EGFR: variants seen among roughly 807,000 people sequenced by gnomAD.
EGFR encodes the protein epidermal growth factor receptor.
Under a neutral mutation model 143.0 loss-of-function variants are expected in EGFR, and 58 were observed. That is an observed-to-expected ratio of 0.41 (90% confidence interval 0.33 to 0.50). EGFR has a LOEUF of 0.50. Among genes scored for constraint, EGFR ranks in the 20% least tolerant of loss-of-function variants. EGFR has a pLI of 0.39. For synonymous variants in EGFR, 613 were observed against 594.4 expected (o/e 1.03, Z -0.45); for missense variants, 1,307 against 1,579.0 (o/e 0.83, Z 2.92).
At chr7:55,205,115 C>A in intron 27 of EGFR, 141 bp from the exon 28 acceptor site, 1 of 1,282,914 alleles carries the variant, frequency 7.8e-7, no homozygotes, top group Non-Finnish European at 1.1e-6. Context: ...TTTGCAGCAA[C>A]AGCAAGAGGG....
At chr7:55,126,528 G>T (rs186328529) in intron 1 of EGFR, among the ~76,000 whole-genome samples, 2 of 152,194 alleles carry the variant, frequency 1.3e-5, no homozygotes. Context: ...GGGTGCAAAC[G>T]CAGGCTTGTG....
intron 1 of EGFR, among the ~76,000 whole-genome samples, chr7:55,083,751 C>A (rs1321507139): frequency 6.6e-6 from 1 of 152,174 alleles, no homozygotes; most frequent in African/African-American, 2.4e-5. Flanking sequence ...TAATATAATG[C>A]AGACATGCAT....
intron 7 of EGFR, among the ~76,000 whole-genome samples, chr7:55,154,516 T>A (rs1785316146): frequency 6.6e-6 from 1 of 152,262 alleles, no homozygotes; most frequent in African/African-American, 2.4e-5. Context: ...ATGCCACTGT[T>A]TAGTGCTTGT....
rs2128944747 is a variant in EGFR at position 55,163,792 on chromosome 7, C to T, written c.1691C>T (p.Pro564Leu). ...ATACAGTGCCACCCAGAGTGCCTGC[C>T]TCAGGCCATGAACATCACCTGCACA... ...ECIQCHPECL[P>L]QAMNITCTGR... Residue 564 changes from proline (P) to leucine (L), a missense_variant, in exon 14 of 28, where the codon CCT becomes CTT. Coordinates refer to ENST00000275493, the MANE Select transcript of EGFR (RefSeq NM_005228.5). The T allele has an allele frequency of 6.2e-7, 1 of 1,614,232 alleles. No homozygotes were observed. Among genetic ancestry groups the T allele is most frequent in the South Asian group, 1.1e-5 (1 of 91,088 alleles).
chr7:55,126,084 G>A (rs531456385), intron 1 of EGFR, among the ~76,000 whole-genome samples: 9 of 152,180 alleles, frequency 5.9e-5, no homozygotes, highest in Non-Finnish European at 1.2e-4. Flanking sequence ...GCGGGGCCCC[G>A]CTTGTCCTTA....
At chr7:55,141,806 G>C (rs528375101) in intron 1 of EGFR, among the ~76,000 whole-genome samples, 2 of 152,114 alleles carry the variant, frequency 1.3e-5, no homozygotes, top group Non-Finnish European at 2.9e-5. Context: ...GAAGTAAAAA[G>C]TTCATTATAT....
intron 27 of EGFR, among the ~76,000 whole-genome samples, chr7:55,203,836 CAT>C (rs1005647484): frequency 5.3e-5 from 8 of 151,536 alleles, no homozygotes; most frequent in South Asian, 2.1e-4. Context: ...ATATATAAAA[CAT>C]ATGTTATATA....
At chr7:55,096,278 A>G (rs1334900057) in intron 1 of EGFR, among the ~76,000 whole-genome samples, 1 of 151,990 alleles carries the variant, frequency 6.6e-6, no homozygotes, top group Non-Finnish European at 1.5e-5. Context: ...TGATACACAT[A>G]CCTCAGATTT....
intron 22 of EGFR, among the ~76,000 whole-genome samples, chr7:55,194,622 C>A (rs1322900231): frequency 6.6e-6 from 1 of 152,348 alleles, no homozygotes; most frequent in East Asian, 1.9e-4. Context: ...GCCCTGGCAA[C>A]TCTCCCGTCC....
intron 1 of EGFR, among the ~76,000 whole-genome samples, chr7:55,098,438 A>G (rs1791607434): frequency 6.6e-6 from 1 of 152,206 alleles, no homozygotes; most frequent in Non-Finnish European, 1.5e-5. Context: ...TTCAGCCAGT[A>G]AAATGTATTT....
intron 1 of EGFR, among the ~76,000 whole-genome samples, chr7:55,070,702 A>C (rs1789771360): frequency 6.6e-6 from 1 of 152,346 alleles, no homozygotes; most frequent in South Asian, 2.1e-4. Context: ...ATTCGCAGCC[A>C]GGGCTGATTG....
At chr7:55,085,428 A>G (rs746967366) in intron 1 of EGFR, among the ~76,000 whole-genome samples, 7 of 152,238 alleles carry the variant, frequency 4.6e-5, no homozygotes, top group African/African-American at 7.2e-5. Flanking sequence ...TGCAGAGAGC[A>G]GGGTGGGCGT....
chr7:55,039,793 C>G (rs186631150), intron 1 of EGFR, among the ~76,000 whole-genome samples: 138 of 152,326 alleles, frequency 9.1e-4, no homozygotes, highest in African/African-American at 3.2e-3. Flanking sequence ...GAACTGTGAT[C>G]CCAGACAGGC....
chr7:55,086,019 T>G (rs532906809), intron 1 of EGFR, among the ~76,000 whole-genome samples: 9 of 151,856 alleles, frequency 5.9e-5, no homozygotes, highest in Non-Finnish European at 1.3e-4. Context: ...TGACACATAG[T>G]TTGAAACCAC....
chr7:55,032,780 A>G (rs1455328074), intron 1 of EGFR, among the ~76,000 whole-genome samples: 1 of 152,154 alleles, frequency 6.6e-6, no homozygotes, highest in Non-Finnish European at 1.5e-5. Context: ...TGGCCATAAG[A>G]TAGAATATAT....
At chr7:55,137,187 G>C (rs1318043515) in intron 1 of EGFR, among the ~76,000 whole-genome samples, 1 of 152,162 alleles carries the variant, frequency 6.6e-6, no homozygotes, top group East Asian at 1.9e-4. Context: ...AAGATGCAAA[G>C]GAAGCAAAGA....
chr7:55,181,375 T>C lies in EGFR; in HGVS notation c.2366T>C (p.Ile789Thr). The change falls in exon 20 of 28, where the codon ATC becomes ACC. Residue 789 changes from isoleucine (I) to threonine (T), a missense_variant. Ile to Thr is a moderately conservative substitution (Grantham distance 89). Around this residue, in one of 7 missense-constraint regions of EGFR, gnomAD observed 348 missense variants for 451.5 expected, o/e 0.77. Transcript: ENST00000275493. ...TGCCTCACCTCCACCGTGCAGCTCA[T>C]CACGCAGCTCATGCCCTTCGGCTGC... ...GICLTSTVQL[I>T]TQLMPFGCLL... 6.2e-7 allele frequency: 1 copy of C among 1,614,200 alleles called. No homozygotes were observed. The highest frequency in any genetic ancestry group is 8.5e-7 in the Non-Finnish European group (1 of 1,180,028).
rs2128941277 is a variant in EGFR at position 55,160,141 on chromosome 7, G to T, written c.1301G>T (p.Gly434Val). 1 of 1,614,078 alleles carries T rather than the reference G, an allele frequency of 6.2e-7. No individual in the cohort carries two copies. Among genetic ancestry groups the T allele is most frequent in the South Asian group, 1.1e-5 (1 of 91,078 alleles). ...EIIRGRTKQH[G>V]QFSLAVVSLN... ...GATTTTTCTTCTCTCCAATGTAGTG[G>T]TCAGTTTTCTCTTGCAGTCGTCAGC... Residue 434 changes from glycine (G) to valine (V), a missense_variant and splice_region_variant, in exon 12 of 28, where the codon GGT becomes GTT. This residue lies in a region of EGFR where 250 missense variants were observed against 295.1 expected (regional missense o/e 0.85). Transcript: ENST00000275493.
chr7:55,130,210 G>A (rs779968291), intron 1 of EGFR, among the ~76,000 whole-genome samples: 2 of 152,126 alleles, frequency 1.3e-5, no homozygotes, highest in Non-Finnish European at 2.9e-5. Flanking sequence ...TAGCACTCCC[G>A]ACTCACTCAT....
Sources: gnomAD v4.1 joint callset for allele counts (sites outside exome capture counted in the v4.1 genomes callset) on GRCh38, gnomAD v4.1.1 for gene constraint, gnomAD v4.1.1 regional missense constraint, MANE v1.5 for transcripts, NCBI Gene and HGNC (gene_info 2026-07-23, HGNC 2026-07-21) for gene names.